The following CELF4 variants were observed in gnomAD, a reference collection of about 807,000 sequenced individuals.
CELF4 encodes CUG-BP- and ETR-3-like factor 4.
Under a neutral mutation model 59.9 loss-of-function variants are expected in CELF4, and 18 were observed. The ratio of observed to expected loss-of-function variants is 0.30; its 90% CI spans 0.21 to 0.45. The LOEUF (loss-of-function observed/expected upper bound fraction) is 0.45. Among genes scored for constraint, CELF4 ranks in the 20% least tolerant of loss-of-function variants. CELF4 has a pLI of 1.00. For missense variants in CELF4, 456 were observed against 689.0 expected, an observed-to-expected ratio of 0.66 and a Z score of 3.79; for synonymous variants, 261 against 267.1, an observed-to-expected ratio of 0.98 and a Z score of 0.22.
intron 1 of CELF4, among the ~76,000 whole-genome samples, chr18:37,545,956 G>A (rs368761987): frequency 1.3e-5 from 2 of 152,100 alleles, no homozygotes; most frequent in African/African-American, 4.8e-5. Flanking sequence ...CTGACTTAGC[G>A]TCCCACCCAA....
intron 2 of CELF4, among the ~76,000 whole-genome samples, chr18:37,444,121 T>G (rs891507436): frequency 2.0e-5 from 3 of 152,156 alleles, no homozygotes; most frequent in Non-Finnish European, 2.9e-5. Context: ...AGTTAACATA[T>G]GCAAAATGCT....
intron 2 of CELF4, among the ~76,000 whole-genome samples, chr18:37,338,600 C>G (rs918302746): frequency 1.3e-5 from 2 of 152,144 alleles, no homozygotes; most frequent in African/African-American, 4.8e-5. Flanking sequence ...TCATGGCAGG[C>G]CCCTACAATC....
intron 1 of CELF4, among the ~76,000 whole-genome samples, chr18:37,527,118 C>A (rs2099964779): frequency 6.6e-6 from 1 of 152,002 alleles, no homozygotes; most frequent in Non-Finnish European, 1.5e-5. Flanking sequence ...ATCCCCTTTG[C>A]AAGAATATAA....
chr18:37,451,234 C>A (rs1393700648), intron 2 of CELF4, among the ~76,000 whole-genome samples: 1 of 152,122 alleles, frequency 6.6e-6, no homozygotes, highest in South Asian at 2.1e-4. Flanking sequence ...GGGGACAGGC[C>A]CATTGTGGGC....
Position 37,565,743 on chromosome 18 carries a change from G to GT in CELF4, c.-103dup. The GT allele has an allele frequency of 2.1e-6, 2 of 936,526 alleles. No homozygotes were observed. Among genetic ancestry groups the GT allele is most frequent in the South Asian group, 4.3e-5 (2 of 46,906 alleles). The allele number at this position is 936,526 out of a possible 1,614,324, so 58.0% of individuals were successfully genotyped here. A position where few individuals can be genotyped will look rare whatever the true frequency, so the allele number is the denominator to read the frequency against. On this transcript the variant is annotated 5_prime_UTR_variant, in exon 1 of 13. Coordinates refer to ENST00000420428, the MANE Select transcript of CELF4 (RefSeq NM_020180.4). ...CACGCACACGCATACACACACTCGG[G>GT]TTCTCTCCCCCTCGGTTTCTCTACA... is the stretch of plus-strand genomic sequence containing the variant.
intron 2 of CELF4, among the ~76,000 whole-genome samples, chr18:37,387,810 G>T (rs1362202013): frequency 6.6e-6 from 1 of 152,202 alleles, no homozygotes; most frequent in Non-Finnish European, 1.5e-5. Context: ...AGATCTTGGT[G>T]CTGGCCCACA....
At chr18:37,499,982 C>T (rs760309158) in intron 1 of CELF4, among the ~76,000 whole-genome samples, 1 of 152,102 alleles carries the variant, frequency 6.6e-6, no homozygotes, top group African/African-American at 2.4e-5. Context: ...CTGGTCAGTA[C>T]GGTAGCTAGA....
At chr18:37,461,297 A>G (rs542524605) in intron 2 of CELF4, among the ~76,000 whole-genome samples, 7 of 152,338 alleles carry the variant, frequency 4.6e-5, no homozygotes, top group African/African-American at 1.4e-4. Context: ...TGGGTAATTT[A>G]TAAAGGAAAG....
chr18:37,298,494 T>A (rs1007491582), intron 3 of CELF4, among the ~76,000 whole-genome samples: 1 of 151,918 alleles, frequency 6.6e-6, no homozygotes, highest in African/African-American at 2.4e-5. Context: ...CCGAGGTGGG[T>A]GGATCACTTG....
intron 1 of CELF4, among the ~76,000 whole-genome samples, chr18:37,530,117 C>T (rs949833498): frequency 3.3e-5 from 5 of 152,158 alleles, no homozygotes; most frequent in South Asian, 2.1e-4. Context: ...GACTCTCTTC[C>T]GGCCACAGTC....
intron 1 of CELF4, among the ~76,000 whole-genome samples, chr18:37,525,077 T>C (rs2099962309): frequency 6.6e-6 from 1 of 152,272 alleles, no homozygotes; most frequent in South Asian, 2.1e-4. Context: ...CCGACCACCC[T>C]TCTGGTATCC....
Position 37,253,444 on chromosome 18 carries a change from C to T in CELF4, c.*44+323G>A, listed in dbSNP as rs548408411. Among the ~76,000 whole-genome samples the T allele has an allele frequency of 6.6e-6, 1 of 152,298 alleles. No individual in the cohort carries two copies. The highest frequency in any genetic ancestry group is 2.1e-4 in the South Asian group (1 of 4,828). On this transcript the variant is annotated intron_variant, in intron 12 of 12. Transcript: ENST00000420428. The surrounding 1 kb of genome is among the most constrained non-coding windows in gnomAD (Gnocchi z 4.5). ...ACCTCCCTCAGCCTGAGCTTGCCAC[C>T]TGTTCACCCCAGGGTTCTCTGGCCA... is the stretch of plus-strand genomic sequence containing the variant.
chr18:37,341,102 G>A (rs2098006641), intron 2 of CELF4, among the ~76,000 whole-genome samples: 1 of 152,200 alleles, frequency 6.6e-6, no homozygotes, highest in South Asian at 2.1e-4. Context: ...GGATTCAGTA[G>A]GGCACTTAGA....
chr18:37,460,801 A>AT (rs1346704653), intron 2 of CELF4, among the ~76,000 whole-genome samples: 3 of 152,222 alleles, frequency 2.0e-5, no homozygotes, highest in African/African-American at 7.2e-5. Flanking sequence ...GTGGCTCAGC[A>AT]TGAGGCCTGC....
chr18:37,308,953 G>A (rs2096547016), intron 3 of CELF4, among the ~76,000 whole-genome samples: 1 of 152,134 alleles, frequency 6.6e-6, no homozygotes, highest in African/African-American at 2.4e-5. Context: ...CCTGCTGCTG[G>A]CTGGGCTTGC....
intron 2 of CELF4, among the ~76,000 whole-genome samples, chr18:37,347,359 G>A (rs1015749856): frequency 1.3e-5 from 2 of 152,086 alleles, no homozygotes; most frequent in Non-Finnish European, 2.9e-5. Context: ...ACATGAAGCC[G>A]TGTCCCTCAA....
chr18:37,430,941 C>T (rs983136941), intron 2 of CELF4, among the ~76,000 whole-genome samples: 1 of 152,212 alleles, frequency 6.6e-6, no homozygotes, highest in Admixed American at 6.5e-5. Context: ...GCCTCCCCCA[C>T]ACTCCCATCC....
chr18:37,318,225 T>A (rs2096936131), intron 3 of CELF4, among the ~76,000 whole-genome samples: 1 of 151,866 alleles, frequency 6.6e-6, no homozygotes, highest in Non-Finnish European at 1.5e-5. Flanking sequence ...TCTGCTCCCC[T>A]CGCACCACTG....
At chr18:37,261,047 G>A (rs1662930) in intron 10 of CELF4, among the ~76,000 whole-genome samples, 69,689 of 151,838 alleles carry the variant, frequency 0.46, 18,230 homozygotes, top group African/African-American at 0.73. Context: ...TGTGCCCTTG[G>A]TGGCCCCCAG....
Sources: allele counts gnomAD v4.1 joint callset (sites outside exome capture counted in the v4.1 genomes callset), GRCh38; gene constraint gnomAD v4.1.1; non-coding constraint Gnocchi (gnomAD v3.1); transcripts MANE v1.5; gene names NCBI Gene and HGNC (gene_info 2026-07-23, HGNC 2026-07-21).